PRRG4: variants seen among roughly 807,000 people sequenced by gnomAD.
The protein encoded by PRRG4 is transmembrane gamma-carboxyglutamic acid protein 4.
Under a neutral mutation model 20.0 loss-of-function variants are expected in PRRG4, and 12 were observed. That is an observed-to-expected ratio of 0.60 (90% CI 0.38 to 0.97). The LOEUF (loss-of-function observed/expected upper bound fraction) is 0.97, where lower values mean the gene tolerates loss of function less well. PRRG4 is among the 50% of genes least tolerant of loss of function. The pLI is 0.00. For synonymous variants in PRRG4, 94 were observed against 96.4 expected (o/e 0.98, Z 0.15); for missense variants, 199 against 265.1 (o/e 0.75, Z 1.73).
Position 32,855,907 on chromosome 11 carries a change from G to A in PRRG4, c.*2380G>A, listed in dbSNP as rs542910275. 5 of 152,264 alleles carry A rather than the reference G, an allele frequency of 3.3e-5. No individual in the cohort carries two copies. Among genetic ancestry groups the A allele is most frequent in the Middle Eastern group, 3.4e-3 (1 of 294 alleles). 9.4% of individuals were successfully genotyped at this position (152,264 alleles called of 1,614,324 possible). A position where few individuals can be genotyped will look rare whatever the true frequency, so the allele number is the denominator to read the frequency against. On this transcript the variant is annotated 3_prime_UTR_variant, in exon 6 of 6. Transcript: ENST00000257836. Reference sequence around the variant, plus strand: ...GAACAACTTGCCCAGAATCTAGCAGGTTGGTGACAACTGGGTTTAGAATGA... The same window carrying A: ...GAACAACTTGCCCAGAATCTAGCAGATTGGTGACAACTGGGTTTAGAATGA...
chr11:32,840,010 C>G lies in PRRG4; in HGVS notation c.317-97C>G, dbSNP rs930107520. 11 of 811,156 alleles carry G rather than the reference C, an allele frequency of 1.4e-5. No individual in the cohort carries two copies. The African/African-American group carries it at 1.9e-4, about 14-fold the overall frequency. 50.2% of individuals were successfully genotyped at this position (811,156 alleles called of 1,614,324 possible). On this transcript the variant is annotated intron_variant, in intron 4 of 5. Transcript: ENST00000257836. This position sits in a 1 kb window ranked among gnomAD's most constrained non-coding sequence, Gnocchi z 4.1. ...AGAAGTCAACATCAATGATTAGATG[C>G]TGTATAATGTGTTTAGAACCAGGAT... is the stretch of plus-strand genomic sequence containing the variant.
Position 32,857,630 on chromosome 11 carries a change from A to G in PRRG4, c.*4103A>G, listed in dbSNP as rs1326509934. On this transcript the variant is annotated 3_prime_UTR_variant, in exon 6 of 6. Transcript: ENST00000257836. Reference sequence around the variant, plus strand: ...ATGTGTGTGTACTCTTCCTAGACGTACAAGAGACTTTTTAATGCTAAATAT... The same window carrying G: ...ATGTGTGTGTACTCTTCCTAGACGTGCAAGAGACTTTTTAATGCTAAATAT... The G allele has an allele frequency of 6.6e-6, 1 of 152,258 alleles. No homozygotes were observed. The highest frequency in any genetic ancestry group is 1.9e-4 in the East Asian group (1 of 5,204). The allele number at this position is 152,258 out of a possible 1,614,324, so 9.4% of individuals were successfully genotyped here. A position where few individuals can be genotyped will look rare whatever the true frequency, so the allele number is the denominator to read the frequency against.
Position 32,840,126 on chromosome 11 carries a change from A to G in PRRG4, c.336A>G (p.Ile112Met). 1 of 1,604,742 alleles carries G rather than the reference A, an allele frequency of 6.2e-7. No homozygotes were observed. Among genetic ancestry groups the G allele is most frequent in the Non-Finnish European group, 8.5e-7 (1 of 1,172,118 alleles). The part of the protein sequence containing the change: ...TTKSDGNREK[I>M]DVMGLLTGLI... ...TTTAAGATGGCAACAGAGAGAAAAT[A>G]GATGTTATGGGCCTTCTGACTGGAT... is the stretch of plus-strand genomic sequence containing the variant. Residue 112 changes from isoleucine (I) to methionine (M), a missense_variant, in exon 5 of 6, where the codon ATA becomes ATG. Ile to Met is a conservative substitution (Grantham distance 10). Transcript: ENST00000257836. This position sits in a 1 kb window ranked among gnomAD's most constrained non-coding sequence, Gnocchi z 4.1.
chr11:32,831,596 C>A (rs1850971852), intron 2 of PRRG4, among the ~76,000 whole-genome samples: 1 of 152,150 alleles, frequency 6.6e-6, no homozygotes, highest in East Asian at 1.9e-4. Flanking sequence ...GAAGAGGATC[C>A]TTTTTAGTCC....
chr11:32,835,088 G>A (rs1266923573), intron 2 of PRRG4, among the ~76,000 whole-genome samples: 1 of 152,188 alleles, frequency 6.6e-6, no homozygotes, highest in Non-Finnish European at 1.5e-5. Context: ...TTACAGGCAT[G>A]AGCCACTACT....
chr11:32,830,012 C>T lies in PRRG4; in HGVS notation c.-184C>T. ...CCCCTCTGCGAACCCCAGGCCCTTCCCAGGTTTGCGCGCGGGGGCCATCCA... is the reference window on the plus strand; with the variant it reads ...CCCCTCTGCGAACCCCAGGCCCTTCTCAGGTTTGCGCGCGGGGGCCATCCA... On this transcript the variant is annotated 5_prime_UTR_variant, in exon 1 of 6. Coordinates refer to ENST00000257836, the MANE Select transcript of PRRG4 (RefSeq NM_024081.6). The T allele has an allele frequency of 2.0e-6, 2 of 985,852 alleles. No individual in the cohort carries two copies. The highest frequency in any genetic ancestry group is 2.4e-6 in the Non-Finnish European group (2 of 830,222). 61.1% of individuals were successfully genotyped at this position (985,852 alleles called of 1,614,324 possible).
Position 32,836,813 on chromosome 11 carries a change from G to A in PRRG4, c.259G>A (p.Asp87Asn). ...EEAREIFVDEDKTIAFWQEYS... is the reference protein window; with the variant it reads ...EEAREIFVDENKTIAFWQEYS... ...AGCCAGAGAGATTTTTGTGGATGAAGATAAAACGGTAATGTGGTTGATTAT... is the reference window on the plus strand; with the variant it reads ...AGCCAGAGAGATTTTTGTGGATGAAAATAAAACGGTAATGTGGTTGATTAT... Residue 87 changes from aspartate to asparagine, a missense_variant, in exon 3 of 6, where the codon GAT becomes AAT. Asp to Asn is a conservative substitution (Grantham distance 23). Transcript: ENST00000257836. The A allele has an allele frequency of 1.2e-6, 2 of 1,610,532 alleles. No individual in the cohort carries two copies. Among genetic ancestry groups the A allele is most frequent in the Non-Finnish European group, 1.7e-6 (2 of 1,178,494 alleles).
intron 1 of PRRG4, 143 bp from the exon 2 acceptor site, chr11:32,830,365 C>A: frequency 1.2e-6 from 1 of 838,036 alleles, no homozygotes; most frequent in Middle Eastern, 3.9e-4. Flanking sequence ...GGGCGCGCGT[C>A]GGGTTCCGGC....
At position 32,855,726 on chromosome 11, in the gene PRRG4, T is replaced by C. The variant is rs1186929427; in HGVS notation, c.*2199T>C. ...AGGAAATCTAACTTGCTTTTAAAAG[T>C]TACCCACGTTGCATATAAAAATCTT... is the stretch of plus-strand genomic sequence containing the variant. On this transcript the variant is annotated 3_prime_UTR_variant, in exon 6 of 6. Coordinates refer to ENST00000257836, the MANE Select transcript of PRRG4 (RefSeq NM_024081.6). 8.5e-5 allele frequency: 13 copies of C among 152,232 alleles called. No homozygotes were observed. The highest frequency in any genetic ancestry group is 8.5e-4 in the Admixed American group (13 of 15,270). 9.4% of individuals were successfully genotyped at this position (152,232 alleles called of 1,614,324 possible).
At chr11:32,838,293 C>T (rs575495988) in intron 3 of PRRG4, among the ~76,000 whole-genome samples, 1 of 151,640 alleles carries the variant, frequency 6.6e-6, no homozygotes, top group Non-Finnish European at 1.5e-5. Context: ...TCCATCTCTG[C>T]AAAAAAGAAA....
At position 32,853,403 on chromosome 11, in the gene PRRG4, T is replaced by A; in HGVS notation, c.557T>A (p.Leu186Ter). 1 of 1,614,104 alleles carries A rather than the reference T, an allele frequency of 6.2e-7. No homozygotes were observed. The highest frequency in any genetic ancestry group is 8.5e-7 in the Non-Finnish European group (1 of 1,180,020). Reference protein sequence around the residue: ...PLPPSVEDAGLPSYEQAVALT... With the variant: ...PLPPSVEDAG ...CCGCCTTCTGTGGAGGATGCAGGATTACCTTCTTATGAACAGGCAGTGGCG... is the reference window on the plus strand; with the variant it reads ...CCGCCTTCTGTGGAGGATGCAGGATAACCTTCTTATGAACAGGCAGTGGCG... The change falls in exon 6 of 6, where the codon TTA becomes TAA. Residue 186 changes from leucine (L) to a stop codon, truncating the protein, a stop_gained. Transcript: ENST00000257836. LOFTEE classifies it high-confidence loss of function.
chr11:32,838,980 T>C, intron 4 of PRRG4, 50 bp downstream of exon 4: 1 of 1,333,964 alleles, frequency 7.5e-7, no homozygotes. Flanking sequence ...CTCTCTCTGT[T>C]GTAATACATT....
At position 32,856,823 on chromosome 11, in the gene PRRG4, G is replaced by C. The variant is rs952862307; in HGVS notation, c.*3296G>C. On this transcript the variant is annotated 3_prime_UTR_variant, in exon 6 of 6. Coordinates refer to ENST00000257836, the MANE Select transcript of PRRG4 (RefSeq NM_024081.6). ...TAAAGAGAGCACAAACTTTGACTAT[G>C]TCAAAGTATTTTTATTTTTAATTTT... The C allele has an allele frequency of 1.9e-4, 29 of 152,200 alleles. No homozygotes were observed. Among genetic ancestry groups the C allele is most frequent in the African/African-American group, 6.5e-4 (27 of 41,516 alleles). 9.4% of individuals were successfully genotyped at this position (152,200 alleles called of 1,614,324 possible). A position where few individuals can be genotyped will look rare whatever the true frequency, so the allele number is the denominator to read the frequency against.
intron 5 of PRRG4, among the ~76,000 whole-genome samples, chr11:32,846,935 T>G (rs1302121271): frequency 6.6e-6 from 1 of 151,598 alleles, no homozygotes; most frequent in African/African-American, 2.4e-5. Context: ...GAGGCAGAGG[T>G]TGCAGTGAGC....
Position 32,855,186 on chromosome 11 carries a change from C to T in PRRG4, c.*1659C>T, listed in dbSNP as rs1389376985. ...ATAATCATATAAACCCATTCTTTGT[C>T]TCTTCTTCTAAATCATATGTATAAC... On this transcript the variant is annotated 3_prime_UTR_variant, in exon 6 of 6. Transcript: ENST00000257836. The T allele has an allele frequency of 2.0e-5, 3 of 152,150 alleles. No individual in the cohort carries two copies. The highest frequency in any genetic ancestry group is 4.4e-5 in the Non-Finnish European group (3 of 68,020). 9.4% of individuals were successfully genotyped at this position (152,150 alleles called of 1,614,324 possible).
intron 2 of PRRG4, among the ~76,000 whole-genome samples, chr11:32,832,203 T>C (rs1184325134): frequency 6.6e-6 from 1 of 152,162 alleles, no homozygotes; most frequent in African/African-American, 2.4e-5. Flanking sequence ...GGCCCCGTGC[T>C]GTGTGGTGGA....
At chr11:32,830,380 GAA>G in intron 1 of PRRG4, 126 bp from the exon 2 acceptor site, 1 of 931,246 alleles carries the variant, frequency 1.1e-6, no homozygotes, top group Non-Finnish European at 1.5e-6. Flanking sequence ...TCCGGCGACC[GAA>G]ACCGCGCGCC....
intron 3 of PRRG4, among the ~76,000 whole-genome samples, 173 bp from the exon 4 acceptor site, chr11:32,838,709 T>C (rs1001320796): frequency 5.9e-5 from 9 of 152,176 alleles, no homozygotes; most frequent in African/African-American, 2.2e-4. Context: ...CAGAGGCAGC[T>C]GTGGGTGGTA....
At chr11:32,848,076 C>A (rs1054337966) in intron 5 of PRRG4, among the ~76,000 whole-genome samples, 1 of 152,184 alleles carries the variant, frequency 6.6e-6, no homozygotes, top group African/African-American at 2.4e-5. Flanking sequence ...AGAAATTTAT[C>A]TCTTGTAGTT....
Sources: allele counts gnomAD v4.1 joint callset (sites outside exome capture counted in the v4.1 genomes callset), GRCh38; gene constraint gnomAD v4.1.1; non-coding constraint Gnocchi (gnomAD v3.1); transcripts MANE v1.5; gene names NCBI Gene and HGNC (gene_info 2026-07-23, HGNC 2026-07-21).